The following TNR variants were observed in gnomAD, a reference collection of about 807,000 sequenced individuals.
TNR encodes tenascin-R.
Under a neutral mutation model 150.4 loss-of-function variants are expected in TNR, and 45 were observed. The observed-to-expected ratio is 0.30, with a 90% CI of 0.24 to 0.38. The LOEUF (loss-of-function observed/expected upper bound fraction) is 0.38. Among genes scored for constraint, TNR ranks in the 10% least tolerant of loss-of-function variants. The pLI is 1.00. For synonymous variants in TNR, 687 were observed against 678.4 expected (o/e 1.01, Z -0.20); for missense variants, 1,544 against 1,759.1 (o/e 0.88, Z 2.19).
intron 1 of TNR, among the ~76,000 whole-genome samples, chr1:175,530,523 C>T (rs115662248): frequency 6.6e-6 from 1 of 152,158 alleles, no homozygotes; most frequent in African/African-American, 2.4e-5. Flanking sequence ...ATACACCCTC[C>T]CTTTTGCTCA....
chr1:175,475,646 C>T (rs961104476), intron 2 of TNR, among the ~76,000 whole-genome samples: 1 of 152,204 alleles, frequency 6.6e-6, no homozygotes, highest in African/African-American at 2.4e-5. Context: ...ATACTCTTTT[C>T]CTTCTTTTAT....
At chr1:175,641,139 T>C (rs1370701749) in intron 1 of TNR, among the ~76,000 whole-genome samples, 4 of 152,186 alleles carry the variant, frequency 2.6e-5, no homozygotes, top group Middle Eastern at 3.4e-3. Flanking sequence ...TTTGGAGAAA[T>C]TGGTTAAATA....
intron 1 of TNR, among the ~76,000 whole-genome samples, chr1:175,718,950 A>G (rs1227369626): frequency 6.6e-6 from 1 of 152,190 alleles, no homozygotes; most frequent in African/African-American, 2.4e-5. Flanking sequence ...AAGGACGTTC[A>G]CTTTCCCCTC....
At chr1:175,679,200 G>A (rs960076714) in intron 1 of TNR, among the ~76,000 whole-genome samples, 13 of 152,204 alleles carry the variant, frequency 8.5e-5, no homozygotes, top group Non-Finnish European at 1.5e-4. Flanking sequence ...TGGCCCTAGC[G>A]GGTGCTTCGG....
intron 1 of TNR, among the ~76,000 whole-genome samples, chr1:175,633,715 G>A (rs1439439629): frequency 6.6e-6 from 1 of 152,096 alleles, no homozygotes; most frequent in Admixed American, 6.6e-5. Context: ...AAAGGGAGGA[G>A]GAAAGCAGAG....
At chr1:175,568,997 T>A (rs1661758186) in intron 1 of TNR, among the ~76,000 whole-genome samples, 1 of 152,138 alleles carries the variant, frequency 6.6e-6, no homozygotes, top group Admixed American at 6.5e-5. Context: ...TCAGTATTTT[T>A]ATTCTACCTT....
intron 2 of TNR, among the ~76,000 whole-genome samples, chr1:175,446,991 CAT>C (rs1454266281): frequency 3.3e-5 from 5 of 152,124 alleles, no homozygotes; most frequent in Admixed American, 1.3e-4. Context: ...TGTGTATGGG[CAT>C]ATGTGTTATG....
At position 175,391,339 on chromosome 1, in the gene TNR, C is replaced by T. The variant is rs1191222132; in HGVS notation, c.1456G>A (p.Ala486Thr). The change falls in exon 7 of 23, where the codon GCT becomes ACT. Residue 486 changes from alanine to threonine, a missense_variant. This residue lies in a region of TNR where 1,254 missense variants were observed against 1,329.4 expected (regional missense o/e 0.94). Transcript: ENST00000367674. The part of the protein sequence containing the change: ...PGEEYIVNVV[A>T]LKEQARSPPT... Reference sequence around the variant, plus strand: ...GGGCTGCGGGCCTGTTCTTTCAGAGCCACCACATTGACAATGTATTCCTCC... The same window carrying T: ...GGGCTGCGGGCCTGTTCTTTCAGAGTCACCACATTGACAATGTATTCCTCC... 2 of 1,614,150 alleles carry T rather than the reference C, an allele frequency of 1.2e-6. No individual in the cohort carries two copies. Among genetic ancestry groups the T allele is most frequent in the African/African-American group, 1.3e-5 (1 of 75,028 alleles).
At chr1:175,628,245 G>A (rs1664215212) in intron 1 of TNR, among the ~76,000 whole-genome samples, 1 of 152,166 alleles carries the variant, frequency 6.6e-6, no homozygotes, top group Admixed American at 6.5e-5. Flanking sequence ...AGGGTATCAA[G>A]TCCCAGAGCT....
chr1:175,402,496 T>C lies in TNR; in HGVS notation c.976+644A>G, dbSNP rs921753914. 5.9e-5 allele frequency among the ~76,000 whole-genome samples: 9 copies of C among 152,316 alleles called. No homozygotes were observed. The East Asian group carries it at 1.7e-3, about 29-fold the overall frequency. On this transcript the variant is annotated intron_variant, in intron 4 of 22. Coordinates refer to ENST00000367674, the MANE Select transcript of TNR (RefSeq NM_003285.3). ...TAGTCATCTGGAACAAAGTGAGTCA[T>C]ACTCTTAATATTCTGTACTAATTGT... is the stretch of plus-strand genomic sequence containing the variant.
rs560344316 is a variant in TNR, at chr1:175,372,852, T to C, written c.1964-5555A>G. Among the ~76,000 whole-genome samples the C allele has an allele frequency of 2.8e-4, 42 of 152,244 alleles. 1 individual carries two copies. In the South Asian group the frequency reaches 8.7e-3, roughly 32 times the overall value. On this transcript the variant is annotated intron_variant, in intron 9 of 22. Coordinates refer to ENST00000367674, the MANE Select transcript of TNR (RefSeq NM_003285.3). ...TCTGTGAAGCTCAAGTCTATGAAACTGAGGTTAGGGGTGTGATTGGCCCTA... is the reference window on the plus strand; with the variant it reads ...TCTGTGAAGCTCAAGTCTATGAAACCGAGGTTAGGGGTGTGATTGGCCCTA...
intron 4 of TNR, among the ~76,000 whole-genome samples, chr1:175,397,384 G>A (rs972247310): frequency 6.6e-5 from 10 of 152,068 alleles, no homozygotes; most frequent in African/African-American, 2.4e-4. Flanking sequence ...TACACAACGG[G>A]GCTTTTAAAT....
intron 1 of TNR, among the ~76,000 whole-genome samples, chr1:175,691,744 T>C (rs188132680): frequency 2.7e-4 from 41 of 152,220 alleles, no homozygotes; most frequent in Non-Finnish European, 1.9e-4. Context: ...TGGGGAGTAA[T>C]CAGATTTCTT....
intron 2 of TNR, among the ~76,000 whole-genome samples, chr1:175,493,563 C>T (rs986483592): frequency 2.0e-5 from 3 of 152,388 alleles, no homozygotes; most frequent in Admixed American, 2.0e-4. Context: ...GAGGAAGCAG[C>T]GGCTAGCTTT....
rs920086629 is a variant in TNR at position 175,646,071 on chromosome 1, G to T, written c.-165+97155C>A. Among the ~76,000 whole-genome samples the T allele has an allele frequency of 2.0e-5, 3 of 152,322 alleles. 1 individual carries two copies. On this transcript the variant is annotated intron_variant, in intron 1 of 22. Transcript: ENST00000367674. Reference sequence around the variant, plus strand: ...GGTAAGTTTGGGGTAGTATATTAAAGGGTGAATGTGTTTGGGGCAGGGAGG... The same window carrying T: ...GGTAAGTTTGGGGTAGTATATTAAATGGTGAATGTGTTTGGGGCAGGGAGG...
intron 1 of TNR, among the ~76,000 whole-genome samples, chr1:175,579,181 C>CTTCT (rs1439347645): frequency 6.6e-6 from 1 of 150,562 alleles, no homozygotes; most frequent in African/African-American, 2.4e-5. Flanking sequence ...TCCTTCCTTC[C>CTTCT]TTCCTTCCTT....
intron 2 of TNR, among the ~76,000 whole-genome samples, chr1:175,464,871 G>A (rs1391013456): frequency 6.6e-6 from 1 of 152,152 alleles, no homozygotes; most frequent in East Asian, 1.9e-4. Context: ...CAGGGCTTAA[G>A]GAGTTTCACC....
intron 2 of TNR, among the ~76,000 whole-genome samples, chr1:175,460,083 A>C (rs1012824213): frequency 6.6e-6 from 1 of 152,158 alleles, no homozygotes; most frequent in Non-Finnish European, 1.5e-5. Context: ...GACTGCTAAC[A>C]TTTGCTGTCA....
intron 2 of TNR, among the ~76,000 whole-genome samples, chr1:175,490,479 C>T (rs542130258): frequency 1.9e-4 from 29 of 152,196 alleles, no homozygotes; most frequent in African/African-American, 5.8e-4. Context: ...ATCCATCTGA[C>T]GAAGGTCTAA....
Sources: gnomAD v4.1 joint callset for allele counts (sites outside exome capture counted in the v4.1 genomes callset) on GRCh38, gnomAD v4.1.1 for gene constraint, gnomAD v4.1.1 regional missense constraint, MANE v1.5 for transcripts, NCBI Gene and HGNC (gene_info 2026-07-23, HGNC 2026-07-21) for gene names.